SNTG1: variants seen among roughly 807,000 people sequenced by gnomAD.
SNTG1 encodes gamma-1-syntrophin.
SNTG1 carries 39 observed loss-of-function variants against 74.7 expected under a neutral mutation model. The observed-to-expected ratio is 0.52, with a 90% CI of 0.40 to 0.68. The LOEUF is 0.68. Among genes scored for constraint, SNTG1 ranks in the 30% least tolerant of loss-of-function variants. The pLI, the probability that SNTG1 is intolerant of heterozygous loss-of-function variation, is 0.00. For missense variants in SNTG1, 685 were observed against 609.5 expected (o/e 1.12, Z -1.30); for synonymous variants, 254 against 217.1 (o/e 1.17, Z -1.49).
intron 8 of SNTG1, among the ~76,000 whole-genome samples, chr8:50,460,576 T>C (rs2093551804): frequency 6.6e-6 from 1 of 152,198 alleles, no homozygotes; most frequent in Non-Finnish European, 1.5e-5. Flanking sequence ...ATGTCCAAAA[T>C]GGTATTTTCT....
intron 2 of SNTG1, among the ~76,000 whole-genome samples, chr8:50,380,803 T>A (rs1204932010): frequency 1.3e-5 from 2 of 152,232 alleles, no homozygotes; most frequent in Non-Finnish European, 2.9e-5. Flanking sequence ...GCTGTTCTTA[T>A]CATAATTGAT....
intron 2 of SNTG1, among the ~76,000 whole-genome samples, chr8:50,212,211 T>C (rs530606638): frequency 6.6e-6 from 1 of 152,296 alleles, no homozygotes; most frequent in East Asian, 1.9e-4. Context: ...ATGAGGGAAG[T>C]CATTCAAACA....
chr8:50,703,994 T>C (rs1160928743), intron 15 of SNTG1, among the ~76,000 whole-genome samples: 2 of 152,202 alleles, frequency 1.3e-5, no homozygotes, highest in African/African-American at 4.8e-5. Context: ...TAAATTGGAA[T>C]ATATGTAAAT....
At chr8:50,775,425 A>C (rs1205540647) in intron 18 of SNTG1, among the ~76,000 whole-genome samples, 2 of 151,582 alleles carry the variant, frequency 1.3e-5, no homozygotes, top group East Asian at 3.9e-4. Flanking sequence ...CTGTGCCTTC[A>C]TTTTCAAGTG....
At chr8:50,583,894 G>A (rs1019746004) in intron 12 of SNTG1, among the ~76,000 whole-genome samples, 1 of 151,704 alleles carries the variant, frequency 6.6e-6, no homozygotes, top group Non-Finnish European at 1.5e-5. Context: ...TTTACATTAG[G>A]TATATCTCCT....
At chr8:50,063,337 G>T (rs1333342060) in intron 1 of SNTG1, among the ~76,000 whole-genome samples, 3 of 152,216 alleles carry the variant, frequency 2.0e-5, no homozygotes, top group Non-Finnish European at 4.4e-5. Context: ...CCATGCATTT[G>T]TATATGTCAC....
At chr8:50,009,023 C>T (rs927208141) in intron 1 of SNTG1, among the ~76,000 whole-genome samples, 2 of 46,162 alleles carry the variant, frequency 4.3e-5, no homozygotes, top group Non-Finnish European at 8.5e-5. Flanking sequence ...CCAGTCAGTG[C>T]TTTATTTATT....
Position 50,201,445 on chromosome 8 carries a change from G to A in SNTG1, c.-28+28810G>A, listed in dbSNP as rs143478912. 2.0e-5 allele frequency among the ~76,000 whole-genome samples: 3 copies of A among 152,238 alleles called. No homozygotes were observed. The South Asian group carries it at 6.2e-4, about 32-fold the overall frequency. On this transcript the variant is annotated intron_variant, in intron 2 of 18. Coordinates refer to ENST00000642720, the MANE Select transcript of SNTG1 (RefSeq NM_018967.5). ...CACCTTCTACTAGTACTGGGTATTTGTTACAACTAATGAACCAATATTAGT... is the reference window on the plus strand; with the variant it reads ...CACCTTCTACTAGTACTGGGTATTTATTACAACTAATGAACCAATATTAGT...
At chr8:50,511,076 C>T (rs909994975) in intron 9 of SNTG1, among the ~76,000 whole-genome samples, 8 of 152,218 alleles carry the variant, frequency 5.3e-5, no homozygotes, top group African/African-American at 1.9e-4. Flanking sequence ...TCCCTCTACA[C>T]ACAGCTTTGA....
At chr8:50,167,333 TA>T (rs34145193) in intron 1 of SNTG1, among the ~76,000 whole-genome samples, 7,624 of 139,280 alleles carry the variant, frequency 0.055, 501 homozygotes, top group African/African-American at 0.16. Context: ...TAAAATAAAA[TA>T]AAAAAAAAAA....
At chr8:50,010,786 T>G (rs1183736526) in intron 1 of SNTG1, among the ~76,000 whole-genome samples, 9 of 106,712 alleles carry the variant, frequency 8.4e-5, no homozygotes, top group African/African-American at 4.9e-4. Flanking sequence ...CAGGCCTCTC[T>G]TTTTTTTTTT....
chr8:50,210,988 T>A (rs1392338101), intron 2 of SNTG1, among the ~76,000 whole-genome samples: 4 of 152,162 alleles, frequency 2.6e-5, no homozygotes, highest in Non-Finnish European at 5.9e-5. Context: ...ATGAGTGTAA[T>A]TTATGCATTG....
At chr8:50,100,812 CA>C (rs1170634679) in intron 1 of SNTG1, among the ~76,000 whole-genome samples, 1 of 151,818 alleles carries the variant, frequency 6.6e-6, no homozygotes, top group African/African-American at 2.4e-5. Flanking sequence ...TTCAGGGATC[CA>C]TGTGCAGGTT....
Position 50,795,951 on chromosome 8 carries a change from C to T in SNTG1, c.*3122C>T, listed in dbSNP as rs573290502. On this transcript the variant is annotated 3_prime_UTR_variant, in exon 19 of 19. Coordinates refer to ENST00000642720, the MANE Select transcript of SNTG1 (RefSeq NM_018967.5). Reference sequence around the variant, plus strand: ...TACCAACTTATAATTTTGAAATCTTCGCTCATAAAGCTGTCATTCAGCAAG... The same window carrying T: ...TACCAACTTATAATTTTGAAATCTTTGCTCATAAAGCTGTCATTCAGCAAG... 1.1e-4 allele frequency: 16 copies of T among 152,092 alleles called. No homozygotes were observed. The highest frequency in any genetic ancestry group is 3.6e-4 in the African/African-American group (15 of 41,538). 9.4% of individuals were successfully genotyped at this position (152,092 alleles called of 1,614,324 possible).
intron 2 of SNTG1, among the ~76,000 whole-genome samples, chr8:50,268,276 A>G (rs1285881392): frequency 6.6e-6 from 1 of 152,204 alleles, no homozygotes; most frequent in Non-Finnish European, 1.5e-5. Context: ...ATAAATGGAG[A>G]GACATATTAT....
intron 1 of SNTG1, among the ~76,000 whole-genome samples, chr8:50,123,393 A>G (rs1221234544): frequency 7.0e-6 from 1 of 142,472 alleles, no homozygotes; most frequent in Non-Finnish European, 1.6e-5. Flanking sequence ...TGAATTCCTA[A>G]TGATCGGTAG....
intron 8 of SNTG1, among the ~76,000 whole-genome samples, chr8:50,456,086 C>T (rs1416037423): frequency 1.3e-5 from 2 of 152,124 alleles, no homozygotes; most frequent in Non-Finnish European, 2.9e-5. Flanking sequence ...AATAAAATAT[C>T]CTTGCCTTAT....
intron 13 of SNTG1, among the ~76,000 whole-genome samples, chr8:50,649,452 T>C (rs2095130763): frequency 6.6e-6 from 1 of 152,084 alleles, no homozygotes; most frequent in South Asian, 2.1e-4. Context: ...TGAGCTGAGA[T>C]TGTGCCACTG....
At chr8:50,449,052 C>A (rs558732223) in intron 5 of SNTG1, among the ~76,000 whole-genome samples, 6 of 151,972 alleles carry the variant, frequency 3.9e-5, no homozygotes, top group East Asian at 1.9e-4. Flanking sequence ...TAAATAAATA[C>A]ATAAATAAAT....
Sources: allele counts gnomAD v4.1 joint callset (sites outside exome capture counted in the v4.1 genomes callset), GRCh38; gene constraint gnomAD v4.1.1; transcripts MANE v1.5; gene names NCBI Gene and HGNC (gene_info 2026-07-23, HGNC 2026-07-21).